MACROD2: variants seen among roughly 807,000 people sequenced by gnomAD.
MACROD2 encodes the protein ADP-ribose glycohydrolase MACROD2.
A neutral mutation model predicts 70.4 loss-of-function variants in MACROD2; 36 were observed. The observed-to-expected ratio is 0.51, with a 90% CI of 0.39 to 0.68. The LOEUF (loss-of-function observed/expected upper bound fraction) is 0.68. MACROD2 is among the 30% of genes least tolerant of loss of function. MACROD2 has a pLI of 0.00. For synonymous variants in MACROD2, 172 were observed against 178.8 expected, an observed-to-expected ratio of 0.96 and a Z score of 0.30; for missense variants, 496 against 538.4, an observed-to-expected ratio of 0.92 and a Z score of 0.78.
intron 5 of MACROD2, among the ~76,000 whole-genome samples, chr20:15,147,410 T>C (rs946789658): frequency 1.4e-5 from 2 of 143,008 alleles, no homozygotes; most frequent in Non-Finnish European, 3.0e-5. Context: ...GAACTCTGTG[T>C]GTGTAAAACG....
intron 6 of MACROD2, among the ~76,000 whole-genome samples, chr20:15,302,757 C>T (rs2077659374): frequency 2.0e-5 from 3 of 152,216 alleles, no homozygotes; most frequent in Non-Finnish European, 2.9e-5. Flanking sequence ...TACCATTTCA[C>T]ATTCCACCGG....
intron 3 of MACROD2, among the ~76,000 whole-genome samples, chr20:14,244,338 A>T (rs1039172055): frequency 1.3e-5 from 2 of 152,076 alleles, no homozygotes; most frequent in African/African-American, 4.8e-5. Flanking sequence ...AAATGAGGGG[A>T]CTTGAAAGTG....
At chr20:14,492,488 C>G (rs1203919094) in intron 3 of MACROD2, among the ~76,000 whole-genome samples, 2 of 152,142 alleles carry the variant, frequency 1.3e-5, no homozygotes, top group Non-Finnish European at 2.9e-5. Flanking sequence ...CTCATTGAAT[C>G]ATTAACAATG....
At chr20:14,552,669 C>T (rs1978737376) in intron 4 of MACROD2, among the ~76,000 whole-genome samples, 1 of 152,096 alleles carries the variant, frequency 6.6e-6, no homozygotes, top group Non-Finnish European at 1.5e-5. Flanking sequence ...GTATAGCCTG[C>T]TGCTCCTAGG....
intron 6 of MACROD2, among the ~76,000 whole-genome samples, chr20:15,241,302 C>T (rs982742665): frequency 1.3e-5 from 2 of 152,090 alleles, no homozygotes; most frequent in African/African-American, 4.8e-5. Flanking sequence ...TATAGCTGCC[C>T]TTGTGGAGCT....
intron 3 of MACROD2, among the ~76,000 whole-genome samples, chr20:14,318,038 C>A (rs1444571672): frequency 6.6e-6 from 1 of 152,024 alleles, no homozygotes; most frequent in Non-Finnish European, 1.5e-5. Context: ...TTTAATCTAG[C>A]CTTTTCTGGG....
At chr20:15,980,392 C>T (rs1426942829) in intron 13 of MACROD2, among the ~76,000 whole-genome samples, 1 of 152,108 alleles carries the variant, frequency 6.6e-6, no homozygotes, top group Non-Finnish European at 1.5e-5. Flanking sequence ...TGGGAGTTCT[C>T]ACTCTTATTT....
At chr20:14,941,989 G>A (rs1384524650) in intron 5 of MACROD2, among the ~76,000 whole-genome samples, 1 of 151,256 alleles carries the variant, frequency 6.6e-6, no homozygotes, top group African/African-American at 2.4e-5. Context: ...GCTACAGGTG[G>A]GGTTTCGCCG....
intron 8 of MACROD2, among the ~76,000 whole-genome samples, chr20:15,639,754 T>C (rs1254436809): frequency 1.3e-5 from 2 of 152,120 alleles, no homozygotes; most frequent in Non-Finnish European, 2.9e-5. Flanking sequence ...ACCTCAAGCC[T>C]CTTTCCTACC....
At chr20:14,520,192 A>T (rs1274622890) in intron 4 of MACROD2, among the ~76,000 whole-genome samples, 5 of 152,170 alleles carry the variant, frequency 3.3e-5, no homozygotes, top group Admixed American at 3.3e-4. Flanking sequence ...GCAAACCTGC[A>T]CGTGTACCCC....
intron 5 of MACROD2, among the ~76,000 whole-genome samples, chr20:14,717,817 C>G (rs1423660108): frequency 6.6e-6 from 1 of 152,068 alleles, no homozygotes; most frequent in East Asian, 1.9e-4. Flanking sequence ...TTATCAGGCC[C>G]TTTGACCTTC....
intron 3 of MACROD2, among the ~76,000 whole-genome samples, chr20:14,458,598 TGTGAGTGTG>T (rs1208970594): frequency 6.6e-6 from 1 of 152,142 alleles, no homozygotes; most frequent in Non-Finnish European, 1.5e-5. Context: ...ATGGAGGTGC[TGTGAGTGTG>T]GTGTACTCTG....
chr20:14,760,617 A>G (rs2072003508), intron 5 of MACROD2, among the ~76,000 whole-genome samples: 1 of 152,194 alleles, frequency 6.6e-6, no homozygotes, highest in South Asian at 2.1e-4. Context: ...GTTCCCTAAC[A>G]TGCACCATCC....
intron 8 of MACROD2, among the ~76,000 whole-genome samples, chr20:15,660,504 C>G (rs1410324726): frequency 1.3e-5 from 2 of 152,104 alleles, no homozygotes; most frequent in Non-Finnish European, 2.9e-5. Context: ...AAAAGCACAA[C>G]AGCAGGATTT....
intron 5 of MACROD2, among the ~76,000 whole-genome samples, chr20:15,180,621 C>T (rs902564012): frequency 1.7e-4 from 26 of 152,178 alleles, no homozygotes; most frequent in Non-Finnish European, 2.9e-4. Context: ...CCCCCTATAG[C>T]TAATTACCCA....
chr20:15,354,696 A>T (rs973126877), intron 6 of MACROD2, among the ~76,000 whole-genome samples: 4 of 152,224 alleles, frequency 2.6e-5, no homozygotes, highest in Non-Finnish European at 4.4e-5. Context: ...ATACAAAAAT[A>T]TGAAGCTACT....
chr20:14,843,206 A>G (rs978495387), intron 5 of MACROD2, among the ~76,000 whole-genome samples: 2 of 124,756 alleles, frequency 1.6e-5, no homozygotes, highest in African/African-American at 6.1e-5. Context: ...TATAATGTCT[A>G]GGCTCTTTGT....
At chr20:15,052,612 C>G (rs2075451430) in intron 5 of MACROD2, among the ~76,000 whole-genome samples, 1 of 152,180 alleles carries the variant, frequency 6.6e-6, no homozygotes, top group African/African-American at 2.4e-5. Flanking sequence ...TCCGACTGCT[C>G]CACTGACCTG....
chr20:15,245,103 G>A (rs947965126), intron 6 of MACROD2, among the ~76,000 whole-genome samples: 4 of 152,202 alleles, frequency 2.6e-5, no homozygotes, highest in Admixed American at 1.3e-4. Flanking sequence ...TGGAGAATTA[G>A]CATTTGAAAT....
Sources: gnomAD v4.1 joint callset for allele counts (sites outside exome capture counted in the v4.1 genomes callset) on GRCh38, gnomAD v4.1.1 for gene constraint, MANE v1.5 for transcripts, NCBI Gene and HGNC (gene_info 2026-07-23, HGNC 2026-07-21) for gene names.